RP1: variants seen among roughly 807,000 people sequenced by gnomAD.
RP1 encodes RP1 axonemal microtubule associated.
RP1 carries 16 observed loss-of-function variants against 14.8 expected under a neutral mutation model. The ratio of observed to expected loss-of-function variants is 1.08; its 90% CI spans 0.73 to 1.65. The LOEUF (loss-of-function observed/expected upper bound fraction) is 1.65. Ranked by LOEUF, RP1 falls within the 40% of genes most tolerant of loss-of-function variation. The pLI is 0.00. For missense variants in RP1, 2,631 were observed against 2,535.0 expected, an observed-to-expected ratio of 1.04 and a Z score of -0.81; for synonymous variants, 876 against 883.6, an observed-to-expected ratio of 0.99 and a Z score of 0.15.
At chr8:54,640,279 T>A (rs1016540852) in intron 3 of RP1, among the ~76,000 whole-genome samples, 3 of 152,174 alleles carry the variant, frequency 2.0e-5, no homozygotes, top group Non-Finnish European at 4.4e-5. Flanking sequence ...TAACCACATG[T>A]GTAGGGGTGC....
chr8:54,859,662 G>T (rs1304597788), intron 27 of RP1, among the ~76,000 whole-genome samples: 1 of 151,958 alleles, frequency 6.6e-6, no homozygotes, highest in Non-Finnish European at 1.5e-5. Context: ...ACGGGTGTCA[G>T]TATGGAGTTG....
At chr8:54,663,581 TG>T in intron 6 of RP1, 1 of 940,678 alleles carries the variant, frequency 1.1e-6, no homozygotes, top group Non-Finnish European at 1.5e-6. Context: ...CTGTGGTTTC[TG>T]GCATCCACTG....
rs550260586 is a variant in RP1 at position 54,603,969 on chromosome 8, T to C, written c.-12-16986T>C. On this transcript the variant is annotated intron_variant, in intron 1 of 22. Coordinates refer to the RP1 transcript ENST00000636932. ...ACGATGGGGTTTTCTAGATATACGA[T>C]CATGTCATCTGCAAACAGGACAATT... is the stretch of plus-strand genomic sequence containing the variant. Among the ~76,000 whole-genome samples the C allele has an allele frequency of 7.9e-5, 12 of 152,320 alleles. No individual in the cohort carries two copies. The East Asian group carries it at 2.3e-3, about 29-fold the overall frequency.
At chr8:54,609,846 C>A (rs1194205443) in intron 1 of RP1, among the ~76,000 whole-genome samples, 2 of 152,212 alleles carry the variant, frequency 1.3e-5, no homozygotes, top group Non-Finnish European at 2.9e-5. Flanking sequence ...TTCCATCTCC[C>A]TGTTAGGCAC....
At chr8:54,844,850 G>A (rs1040077974) in intron 25 of RP1, among the ~76,000 whole-genome samples, 5 of 152,160 alleles carry the variant, frequency 3.3e-5, no homozygotes, top group African/African-American at 1.2e-4. Flanking sequence ...AGTTTGGATG[G>A]AAGGAGAATG....
intron 23 of RP1, among the ~76,000 whole-genome samples, chr8:54,782,710 T>C (rs1437293607): frequency 6.6e-6 from 1 of 152,146 alleles, no homozygotes; most frequent in Non-Finnish European, 1.5e-5. Context: ...GGGTTGATGA[T>C]GTAGTTTCCC....
At chr8:54,751,487 T>C (rs182182868) in intron 19 of RP1, among the ~76,000 whole-genome samples, 252 of 152,334 alleles carry the variant, frequency 1.7e-3, no homozygotes, top group Non-Finnish European at 2.0e-3. Context: ...TGCTCACTGA[T>C]CCACCAAAAA....
chr8:54,628,971 C>T lies in RP1; in HGVS notation c.5089C>T (p.Gln1697Ter). 3 of 1,613,892 alleles carry T rather than the reference C, an allele frequency of 1.9e-6. No individual in the cohort carries two copies. Among genetic ancestry groups the T allele is most frequent in the Non-Finnish European group, 2.5e-6 (3 of 1,179,938 alleles). ...TAGTTCATCTATGTTGCAGGAATTC[C>T]AGGAGGAAAGACAAGATAAGTGTGA... ...SSSSSMLQEF[Q>*]EERQDKCDVS... Residue 1697 changes from glutamine (Q) to a stop codon, truncating the protein, a stop_gained, in exon 4 of 4, where the codon CAG becomes TAG. Coordinates refer to ENST00000220676, the MANE Select transcript of RP1 (RefSeq NM_006269.2). LOFTEE classifies it low-confidence loss of function (END_TRUNC).
chr8:54,758,716 ACAGCCAGAAAT>A (rs994251401), intron 21 of RP1, among the ~76,000 whole-genome samples: 1 of 152,184 alleles, frequency 6.6e-6, no homozygotes, highest in African/African-American at 2.4e-5. Flanking sequence ...GAGTGAAAAA[ACAGCCAGAAAT>A]ATATTTTTAA....
chr8:54,624,003 T>C (rs1279719324), intron 3 of RP1, among the ~76,000 whole-genome samples: 2 of 152,200 alleles, frequency 1.3e-5, no homozygotes, highest in Non-Finnish European at 2.9e-5. Context: ...ACTTTATACA[T>C]TTTTAAAATT....
chr8:54,824,960 CTT>C (rs1175603183), intron 24 of RP1, among the ~76,000 whole-genome samples: 2 of 147,844 alleles, frequency 1.4e-5, no homozygotes, highest in Non-Finnish European at 3.0e-5. Context: ...CTTTTTCTTT[CTT>C]TTTTTTTTTT....
chr8:54,610,942 G>A (rs551234513), intron 1 of RP1, among the ~76,000 whole-genome samples: 4 of 152,168 alleles, frequency 2.6e-5, no homozygotes, highest in East Asian at 3.9e-4. Context: ...TAAACTTCCC[G>A]AGCTTTTATC....
rs186917509 is a variant in RP1 at position 54,794,747 on chromosome 8, G to A, written c.3615+11037G>A. On this transcript the variant is annotated intron_variant, in intron 24 of 28. Transcript: ENST00000637698. ...CAAACGGGCTGTATTAAACTAAAAC[G>A]TTTCTGCACAGAAATGAAAATAATC... is the stretch of plus-strand genomic sequence containing the variant. Among the ~76,000 whole-genome samples, 116 of 151,966 alleles carry A rather than the reference G, an allele frequency of 7.6e-4. 1 individual carries two copies. The highest frequency in any genetic ancestry group is 6.6e-3 in the South Asian group (32 of 4,818).
chr8:54,783,756 T>C, intron 24 of RP1: 1 of 1,139,772 alleles, frequency 8.8e-7, no homozygotes, highest in Admixed American at 4.2e-5. Flanking sequence ...TATATTGTGA[T>C]ATACATCCCC....
chr8:54,696,656 T>C, intron 12 of RP1: 1 of 818,628 alleles, frequency 1.2e-6, no homozygotes, highest in Non-Finnish European at 2.0e-6. Flanking sequence ...TAAACATTCC[T>C]TGGCCTTTGT....
At chr8:54,779,785 C>A (rs1322127057) in intron 23 of RP1, among the ~76,000 whole-genome samples, 1 of 152,142 alleles carries the variant, frequency 6.6e-6, no homozygotes, top group African/African-American at 2.4e-5. Flanking sequence ...GTGACTCAGT[C>A]AAATCCCCTT....
intron 16 of RP1, among the ~76,000 whole-genome samples, chr8:54,723,698 T>G (rs1184513756): frequency 6.6e-6 from 1 of 152,214 alleles, no homozygotes; most frequent in Non-Finnish European, 1.5e-5. Context: ...CTCCAGATAA[T>G]AAGCCTGCAT....
intron 4 of RP1, chr8:54,649,228 C>A: frequency 9.2e-7 from 1 of 1,087,476 alleles, no homozygotes; most frequent in Non-Finnish European, 1.2e-6. Context: ...TAGTCTATCC[C>A]TTTAGTAACA....
At chr8:54,866,002 G>A (rs1352881513) in intron 28 of RP1, 1 of 515,492 alleles carries the variant, frequency 1.9e-6, no homozygotes, top group Admixed American at 4.4e-5. Flanking sequence ...CCTCATCCCA[G>A]CTGTTGGACA....
Sources: allele counts gnomAD v4.1 joint callset (sites outside exome capture counted in the v4.1 genomes callset), GRCh38; gene constraint gnomAD v4.1.1; transcripts MANE v1.5; gene names NCBI Gene and HGNC (gene_info 2026-07-23, HGNC 2026-07-21).